SPATA6L: variants seen among roughly 807,000 people sequenced by gnomAD.
SPATA6L encodes the protein spermatogenesis associated 6 like, also known as spermatogenesis associated 6-like protein.
SPATA6L carries 68 observed loss-of-function variants against 49.2 expected under a neutral mutation model. The observed-to-expected ratio is 1.38, with a 90% CI of 1.14 to 1.69. The LOEUF (loss-of-function observed/expected upper bound fraction) is 1.69. Ranked by LOEUF, SPATA6L falls within the 40% of genes most tolerant of loss-of-function variation. SPATA6L has a pLI of 0.00. For missense variants in SPATA6L, 668 were observed against 464.3 expected (o/e 1.44, Z -4.03); for synonymous variants, 198 against 165.7 (o/e 1.19, Z -1.50).
In SPATA6L at chr9:4,599,846, G is replaced by T. The variant is rs1261195421; in HGVS notation, c.*965C>A. Among the ~76,000 whole-genome samples the T allele has an allele frequency of 4.6e-5, 7 of 152,156 alleles. No individual in the cohort carries two copies. The highest frequency in any genetic ancestry group is 1.7e-4 in the African/African-American group (7 of 41,424). Reference sequence around the variant, plus strand: ...AGGGGACACAAACATTCACACTATAGTAGGGCTGGTAGAGGAAAATGCTAT... The same window carrying T: ...AGGGGACACAAACATTCACACTATATTAGGGCTGGTAGAGGAAAATGCTAT... On this transcript the variant is annotated 3_prime_UTR_variant, in exon 12 of 12. Coordinates refer to ENST00000682582, the MANE Select transcript of SPATA6L (RefSeq NM_001353486.2).
At chr9:4,638,790 CTTTTTTT>C (rs201206657) in intron 3 of SPATA6L, among the ~76,000 whole-genome samples, 8,082 of 120,282 alleles carry the variant, frequency 0.067, 323 homozygotes, top group African/African-American at 0.16. Flanking sequence ...CTTTTCTTTT[CTTTTTTT>C]TTTTTGAGAT....
Position 4,661,942 on chromosome 9 carries a change from G to A in SPATA6L, c.134C>T (p.Ser45Phe). The change falls in exon 2 of 12, where the codon TCT (serine) becomes TTT (phenylalanine). Residue 45 changes from serine to phenylalanine, a missense_variant. Ser to Phe is a radical substitution (Grantham distance 155). Transcript: ENST00000682582. ...CTCCTGAATCATAATGGGGAACGCA[G>A]AGGGAAAGCTGTTGGTCTCCAGGTA... The part of the protein sequence containing the change: ...NQYLETNSFP[S>F]AFPIMIQESM... 6.2e-7 allele frequency: 1 copy of A among 1,613,972 alleles called. No individual in the cohort carries two copies. The highest frequency in any genetic ancestry group is 8.5e-7 in the Non-Finnish European group (1 of 1,179,874).
rs148704736 is a variant in SPATA6L, at chr9:4,661,166, A to G, written c.177+733T>C. ...TTTTTAAAAAAATGTGACATGCTCT[A>G]CTCTGTAGCCTTCCTTCTCCCCAGA... On this transcript the variant is annotated intron_variant, in intron 2 of 11. Transcript: ENST00000682582. Among the ~76,000 whole-genome samples, 376 of 152,262 alleles carry G rather than the reference A, an allele frequency of 2.5e-3. 5 individuals are homozygous for G. Among genetic ancestry groups the G allele is most frequent in the African/African-American group, 8.5e-3 (354 of 41,556 alleles).
intron 3 of SPATA6L, among the ~76,000 whole-genome samples, chr9:4,645,215 AG>A (rs1221216433): frequency 6.6e-6 from 1 of 152,214 alleles, no homozygotes; most frequent in Non-Finnish European, 1.5e-5. Flanking sequence ...CCCCATTCCC[AG>A]GTATACACAC....
At chr9:4,605,989 C>T (rs971242240) in intron 9 of SPATA6L, among the ~76,000 whole-genome samples, 3 of 152,146 alleles carry the variant, frequency 2.0e-5, no homozygotes, top group Admixed American at 6.5e-5. Flanking sequence ...CGAGGCATTG[C>T]CTCACTCGGG....
intron 4 of SPATA6L, among the ~76,000 whole-genome samples, chr9:4,629,769 G>GTGTGTGTATATATATATATATATATA (rs1311805859): frequency 9.8e-6 from 1 of 101,934 alleles, no homozygotes; most frequent in Non-Finnish European, 1.8e-5. Context: ...GTGTGTGTGT[G>GTGTGTGTATATATATATATATATATA]TATATATATA....
intron 9 of SPATA6L, among the ~76,000 whole-genome samples, chr9:4,612,887 G>T (rs892040980): frequency 6.6e-6 from 1 of 152,106 alleles, no homozygotes; most frequent in Non-Finnish European, 1.5e-5. Context: ...ATAGCAATTT[G>T]ATAATGAAAG....
chr9:4,622,910 A>T (rs1462064761), intron 6 of SPATA6L, among the ~76,000 whole-genome samples: 1 of 152,208 alleles, frequency 6.6e-6, no homozygotes, highest in Non-Finnish European at 1.5e-5. Context: ...AGTGACAGCA[A>T]GGGATTCCCA....
rs1250643668 is a variant in SPATA6L, at chr9:4,607,609, C to T, written c.996-2169G>A. Among the ~76,000 whole-genome samples the T allele has an allele frequency of 6.6e-5, 10 of 152,102 alleles. No individual in the cohort carries two copies. The South Asian group carries it at 1.7e-3, about 25-fold the overall frequency. On this transcript the variant is annotated intron_variant, in intron 9 of 11. Transcript: ENST00000682582. ...AAGCAAATGCTCAGAGATTTTGTCA[C>T]CACCAGGCCTGCCCTAAAAGAGCTC... is the stretch of plus-strand genomic sequence containing the variant.
chr9:4,593,632 T>C (rs937630730), downstream of SPATA6L, among the ~76,000 whole-genome samples: 6 of 152,304 alleles, frequency 3.9e-5, no homozygotes, highest in Admixed American at 3.3e-4. Context: ...ACAACATTCC[T>C]GAAACTCCGA....
chr9:4,652,606 T>C (rs1305638687), intron 3 of SPATA6L, among the ~76,000 whole-genome samples: 1 of 152,030 alleles, frequency 6.6e-6, no homozygotes, highest in Non-Finnish European at 1.5e-5. Flanking sequence ...TCCCAGCATT[T>C]TGGGAGTCCA....
chr9:4,593,782 T>A (rs1031227858), downstream of SPATA6L, among the ~76,000 whole-genome samples: 1 of 152,238 alleles, frequency 6.6e-6, no homozygotes, highest in African/African-American at 2.4e-5. Flanking sequence ...CATTACCAGA[T>A]TCTGCCCCGC....
intron 4 of SPATA6L, among the ~76,000 whole-genome samples, chr9:4,630,023 G>C (rs1462980023): frequency 6.6e-6 from 1 of 151,838 alleles, no homozygotes; most frequent in Non-Finnish European, 1.5e-5. Context: ...GATCTCAACA[G>C]CATTCTTCTA....
In SPATA6L at chr9:4,618,095, C is replaced by A. The variant is rs770517502; in HGVS notation, c.823G>T (p.Asp275Tyr). The change falls in exon 9 of 12, where the codon GAT becomes TAT. Residue 275 changes from aspartate to tyrosine, a missense_variant. Transcript: ENST00000682582. The stretch of plus-strand genomic sequence containing the variant: ...TCACTCCTTAAAACAATCCGTTCAT[C>A]TGGCTCTTTGATAACCTGAGTGACA... ...AANVKVIKEP[D>Y]ERIVLRSDSS... 6 of 1,608,726 alleles carry A rather than the reference C, an allele frequency of 3.7e-6. No homozygotes were observed. The South Asian group carries it at 6.7e-5, about 18-fold the overall frequency.
Position 4,604,276 on chromosome 9 carries a change from T to C in SPATA6L, c.1090-7A>G. ...CTTCAGAGGTAGAATCTTCCTACAA[T>C]AAAAACAAATCCAGCAATTATGTTA... On this transcript the variant is annotated splice_region_variant and splice_polypyrimidine_tract_variant and intron_variant, in intron 10 of 11. Coordinates refer to ENST00000682582, the MANE Select transcript of SPATA6L (RefSeq NM_001353486.2). 1 of 1,569,964 alleles carries C rather than the reference T, an allele frequency of 6.4e-7. No homozygotes were observed. Among genetic ancestry groups the C allele is most frequent in the East Asian group, 2.2e-5 (1 of 44,656 alleles).
At chr9:4,638,631 G>A (rs189730374) in intron 3 of SPATA6L, among the ~76,000 whole-genome samples, 11 of 152,174 alleles carry the variant, frequency 7.2e-5, no homozygotes, top group African/African-American at 2.6e-4. Flanking sequence ...CACCCTTGTT[G>A]GCCAAAAACA....
intron 3 of SPATA6L, among the ~76,000 whole-genome samples, chr9:4,640,888 T>A (rs1833888471): frequency 6.6e-6 from 1 of 152,246 alleles, no homozygotes; most frequent in South Asian, 2.1e-4. Context: ...TTTTGAGTTA[T>A]AACCAGTATT....
chr9:4,644,060 A>G (rs1451391248), intron 3 of SPATA6L, among the ~76,000 whole-genome samples: 1 of 151,838 alleles, frequency 6.6e-6, no homozygotes. Flanking sequence ...AGAAATGACA[A>G]CATAGGCAAG....
chr9:4,617,956 G>A lies in SPATA6L; in HGVS notation c.962C>T (p.Pro321Leu). Reference sequence around the variant, plus strand: ...GAGAAGGGGCTGATCCAAGGGGCCAGGAGAGGTGGAATGCTGGTAGGTGGC... The same window carrying A: ...GAGAAGGGGCTGATCCAAGGGGCCAAGAGAGGTGGAATGCTGGTAGGTGGC... Reference protein sequence around the residue: ...SFATYQHSTSPGPLDQPLLRE... With the variant: ...SFATYQHSTSLGPLDQPLLRE... The change falls in exon 9 of 12, where the codon CCT (proline) becomes CTT (leucine). Residue 321 changes from proline to leucine, a missense_variant. Coordinates refer to ENST00000682582, the MANE Select transcript of SPATA6L (RefSeq NM_001353486.2). 6.2e-7 allele frequency: 1 copy of A among 1,613,860 alleles called. No homozygotes were observed. The highest frequency in any genetic ancestry group is 8.5e-7 in the Non-Finnish European group (1 of 1,179,926).
Sources: gnomAD v4.1 joint callset for allele counts (sites outside exome capture counted in the v4.1 genomes callset) on GRCh38, gnomAD v4.1.1 for gene constraint, MANE v1.5 for transcripts, NCBI Gene and HGNC (gene_info 2026-07-23, HGNC 2026-07-21) for gene names.